Variants in PRKAG2 observed in about 807,000 individuals in gnomAD.
The protein encoded by PRKAG2 is protein kinase AMP-activated non-catalytic subunit gamma 2, also known as 5'-AMP-activated protein kinase subunit gamma-2.
PRKAG2 carries 26 observed loss-of-function variants against 69.6 expected under a neutral mutation model. That is an observed-to-expected ratio of 0.37 (90% CI 0.27 to 0.52). The LOEUF (loss-of-function observed/expected upper bound fraction) is 0.52, where lower values mean the gene tolerates loss of function less well. Ranked by LOEUF, PRKAG2 falls within the 20% of genes least tolerant of loss-of-function variation. PRKAG2 has a pLI of 0.90. For synonymous variants in PRKAG2, 293 were observed against 285.0 expected, an observed-to-expected ratio of 1.03 and a Z score of -0.28; for missense variants, 557 against 740.0, an observed-to-expected ratio of 0.75 and a Z score of 2.87.
intron 3 of PRKAG2, among the ~76,000 whole-genome samples, chr7:151,678,852 C>T (rs911219096): frequency 6.6e-6 from 1 of 151,966 alleles, no homozygotes; most frequent in Non-Finnish European, 1.5e-5. Context: ...CCAGCCACTC[C>T]AGAGGCTGAG....
intron 3 of PRKAG2, among the ~76,000 whole-genome samples, chr7:151,740,307 C>T (rs1271627595): frequency 6.6e-6 from 1 of 152,222 alleles, no homozygotes; most frequent in African/African-American, 2.4e-5. Flanking sequence ...GTGTCATCTC[C>T]CAAGGGAAGA....
rs544452085 is a variant in PRKAG2, at chr7:151,626,307, A to G, written c.754+5762T>C. ...AACCCTACCTCACCAAGTCGGAGAC[A>G]CCACCAAATGTGAAGTCACGTCCTG... On this transcript the variant is annotated intron_variant, in intron 5 of 15. Coordinates refer to ENST00000287878, the MANE Select transcript of PRKAG2 (RefSeq NM_016203.4). Among the ~76,000 whole-genome samples the G allele has an allele frequency of 2.4e-4, 36 of 152,348 alleles. No homozygotes were observed. In the South Asian group the frequency reaches 4.6e-3, roughly 19 times the overall value.
At chr7:151,838,145 T>C (rs1371852969) in intron 1 of PRKAG2, among the ~76,000 whole-genome samples, 1 of 151,996 alleles carries the variant, frequency 6.6e-6, no homozygotes, top group Non-Finnish European at 1.5e-5. Context: ...TCCACAGTGG[T>C]GCCTTTATTT....
In PRKAG2 at chr7:151,858,297, G is replaced by A. The variant is rs145801732; in HGVS notation, c.114+18210C>T. On this transcript the variant is annotated intron_variant, in intron 1 of 15. Coordinates refer to ENST00000287878, the MANE Select transcript of PRKAG2 (RefSeq NM_016203.4). ...TACTCAGCAGCACCCTGCCAGCCTC[G>A]GCCACAGCTGTCCCCAGCTGGCCCA... Among the ~76,000 whole-genome samples the A allele has an allele frequency of 1.7e-3, 265 of 151,764 alleles. 2 individuals are homozygous for A. Among genetic ancestry groups the A allele is most frequent in the Middle Eastern group, 6.8e-3 (2 of 292 alleles).
At chr7:151,685,810 T>C (rs568770306) in intron 3 of PRKAG2, among the ~76,000 whole-genome samples, 42 of 152,142 alleles carry the variant, frequency 2.8e-4, no homozygotes, top group Admixed American at 1.8e-3. Context: ...TATTGATTCA[T>C]ATGACCCACA....
chr7:151,604,197 G>A (rs897454548), intron 5 of PRKAG2, among the ~76,000 whole-genome samples: 6 of 152,178 alleles, frequency 3.9e-5, no homozygotes, highest in African/African-American at 9.6e-5. Flanking sequence ...GGCTTCCTCC[G>A]TCATCCAGGG....
intron 3 of PRKAG2, among the ~76,000 whole-genome samples, chr7:151,705,339 T>G (rs992159830): frequency 1.3e-5 from 2 of 152,154 alleles, no homozygotes; most frequent in African/African-American, 4.8e-5. Context: ...TTTTCTCTTT[T>G]CTCAATCGGG....
In PRKAG2 at chr7:151,788,512, A is replaced by G. The variant is rs2077121820; in HGVS notation, c.115-1971T>C. On this transcript the variant is annotated intron_variant, in intron 1 of 15. Transcript: ENST00000287878. The surrounding 1 kb of genome is among the most constrained non-coding windows in gnomAD (Gnocchi z 4.6). ...AAATGTCTATTCAACTCCTTTGCCC[A>G]TTTTTTAATTGGGTTGATTGTGGTT... Among the ~76,000 whole-genome samples, 1 of 152,138 alleles carries G rather than the reference A, an allele frequency of 6.6e-6. No individual in the cohort carries two copies. Among genetic ancestry groups the G allele is most frequent in the Admixed American group, 6.6e-5 (1 of 15,262 alleles).
intron 1 of PRKAG2, among the ~76,000 whole-genome samples, chr7:151,811,809 G>T (rs1273886227): frequency 6.6e-6 from 1 of 152,212 alleles, no homozygotes; most frequent in South Asian, 2.1e-4. Context: ...CCCAACAAGA[G>T]CTAAAGGTAG....
chr7:151,627,237 C>T (rs983383326), intron 5 of PRKAG2, among the ~76,000 whole-genome samples: 18 of 152,292 alleles, frequency 1.2e-4, no homozygotes, highest in African/African-American at 4.1e-4. Flanking sequence ...AGATGCCTCA[C>T]TGAAAGACAA....
chr7:151,589,976 C>T (rs149487775), intron 6 of PRKAG2, among the ~76,000 whole-genome samples: 1 of 152,296 alleles, frequency 6.6e-6, no homozygotes, highest in Non-Finnish European at 1.5e-5. Context: ...ACTGCCAAGA[C>T]TGGTTCCCAG....
chr7:151,718,201 G>A lies in PRKAG2; in HGVS notation c.467-42564C>T, dbSNP rs115879382. Reference sequence around the variant, plus strand: ...TGGGGGCTGGAAAGCCCAAGGTCACGGTGCCAGCCCTGTTGGTTTCTGGTG... The same window carrying A: ...TGGGGGCTGGAAAGCCCAAGGTCACAGTGCCAGCCCTGTTGGTTTCTGGTG... On this transcript the variant is annotated intron_variant, in intron 3 of 15. Coordinates refer to ENST00000287878, the MANE Select transcript of PRKAG2 (RefSeq NM_016203.4). Among the ~76,000 whole-genome samples, 851 of 152,206 alleles carry A rather than the reference G, an allele frequency of 5.6e-3. 14 individuals are homozygous for A. Among genetic ancestry groups the A allele is most frequent in the African/African-American group, 0.02 (815 of 41,542 alleles).
chr7:151,624,365 G>A (rs1039064005), intron 5 of PRKAG2, among the ~76,000 whole-genome samples: 17 of 151,848 alleles, frequency 1.1e-4, no homozygotes, highest in African/African-American at 2.9e-4. Context: ...TGCCCAGGCC[G>A]ATCTCGAACT....
At chr7:151,565,955 T>A in intron 11 of PRKAG2, 70 bp from the exon 12 acceptor site, 1 of 1,526,752 alleles carries the variant, frequency 6.5e-7, no homozygotes, top group Non-Finnish European at 9.1e-7. Context: ...GGTCCAGATT[T>A]GAATGAAAAA....
At chr7:151,786,684 C>G (rs1441493848) in intron 1 of PRKAG2, 143 bp from the exon 2 acceptor site, 1 of 715,686 alleles carries the variant, frequency 1.4e-6, no homozygotes, top group African/African-American at 1.8e-5. Flanking sequence ...GACGTGTTTG[C>G]TACACCCAGC....
intron 15 of PRKAG2, chr7:151,559,893 C>T: frequency 1.0e-6 from 1 of 985,232 alleles, no homozygotes; most frequent in Non-Finnish European, 1.2e-6. Context: ...CTCTCAAGCC[C>T]ACCTCTTACT....
chr7:151,632,155 G>C lies in PRKAG2; in HGVS notation c.685-17C>G. ...CAGCGCCGCCTGAGGGGGAGGAGGAGGACAGCGATCAGCATGAGCTGCGAC... is the reference window on the plus strand; with the variant it reads ...CAGCGCCGCCTGAGGGGGAGGAGGACGACAGCGATCAGCATGAGCTGCGAC... On this transcript the variant is annotated splice_polypyrimidine_tract_variant and intron_variant, in intron 4 of 15. Coordinates refer to ENST00000287878, the MANE Select transcript of PRKAG2 (RefSeq NM_016203.4). The surrounding 1 kb of genome is among the most constrained non-coding windows in gnomAD (Gnocchi z 4.2). The C allele has an allele frequency of 1.5e-6, 2 of 1,373,088 alleles. No homozygotes were observed. Among genetic ancestry groups the C allele is most frequent in the Non-Finnish European group, 9.5e-7 (1 of 1,050,086 alleles). 85.1% of individuals were successfully genotyped at this position (1,373,088 alleles called of 1,614,324 possible). A position where few individuals can be genotyped will look rare whatever the true frequency, so the allele number is the denominator to read the frequency against.
chr7:151,795,874 T>TATATAG (rs1372284408), intron 1 of PRKAG2, among the ~76,000 whole-genome samples: 1 of 112,108 alleles, frequency 8.9e-6, no homozygotes, highest in Non-Finnish European at 1.8e-5. Flanking sequence ...TATATATATA[T>TATATAG]ATATATATAT....
At chr7:151,660,302 A>G (rs774006590) in intron 4 of PRKAG2, among the ~76,000 whole-genome samples, 6 of 152,236 alleles carry the variant, frequency 3.9e-5, no homozygotes, top group Non-Finnish European at 8.8e-5. Flanking sequence ...CAGCTTCTCA[A>G]ACCCGTAGCT....
Sources: allele counts gnomAD v4.1 joint callset (sites outside exome capture counted in the v4.1 genomes callset), GRCh38; gene constraint gnomAD v4.1.1; non-coding constraint Gnocchi (gnomAD v3.1); transcripts MANE v1.5; gene names NCBI Gene and HGNC (gene_info 2026-07-23, HGNC 2026-07-21).